The following CMTR1 variants were observed in gnomAD, a reference collection of about 807,000 sequenced individuals.
CMTR1 encodes cap methyltransferase 1, also known as cap-specific mRNA (nucleoside-2'-O-)-methyltransferase 1.
Under a neutral mutation model 107.0 loss-of-function variants are expected in CMTR1, and 39 were observed. That is an observed-to-expected ratio of 0.36 (90% confidence interval 0.28 to 0.48). The LOEUF (loss-of-function observed/expected upper bound fraction) is 0.48, where lower values mean the gene tolerates loss of function less well. CMTR1 is among the 20% of genes least tolerant of loss of function. The probability of loss-of-function intolerance (pLI) is 0.99; values close to 1 mark genes in which losing one functional copy is unlikely to be tolerated. For missense variants in CMTR1, 672 were observed against 1,064.9 expected, an observed-to-expected ratio of 0.63 and a Z score of 5.14; for synonymous variants, 366 against 379.5, an observed-to-expected ratio of 0.96 and a Z score of 0.41.
chr6:37,446,029 CT>C (rs1459779453), intron 3 of CMTR1, among the ~76,000 whole-genome samples: 1 of 152,188 alleles, frequency 6.6e-6, no homozygotes, highest in Admixed American at 6.5e-5. Flanking sequence ...ACTCTGGGTG[CT>C]TTTAATTAGG....
chr6:37,437,245 G>T (rs1309333174), intron 2 of CMTR1, among the ~76,000 whole-genome samples: 1 of 150,474 alleles, frequency 6.6e-6, no homozygotes, highest in African/African-American at 2.4e-5. Context: ...CTCATCAGCT[G>T]GCCAGGCGCG....
intron 13 of CMTR1, 59 bp from the exon 14 acceptor site, chr6:37,470,962 A>G: frequency 1.4e-6 from 2 of 1,447,418 alleles, no homozygotes; most frequent in Non-Finnish European, 1.9e-6. Context: ...CTCTGTCCTG[A>G]TGTCAGTTAC....
chr6:37,428,008 C>A, the CMTR1 span, among the ~76,000 whole-genome samples: 1 of 114,768 alleles, frequency 8.7e-6, no homozygotes, highest in African/African-American at 3.3e-5. Context: ...GCAACAGAGA[C>A]AGAGAGAGAG....
rs958846554 is a variant in CMTR1 at position 37,480,432 on chromosome 6, C to T, written c.*287C>T. 6 of 1,242,168 alleles carry T rather than the reference C, an allele frequency of 4.8e-6. No homozygotes were observed. The highest frequency in any genetic ancestry group is 1.6e-5 in the African/African-American group (1 of 62,784). The allele number at this position is 1,242,168 out of a possible 1,614,324, so 76.9% of individuals were successfully genotyped here. A position where few individuals can be genotyped will look rare whatever the true frequency, so the allele number is the denominator to read the frequency against. On this transcript the variant is annotated 3_prime_UTR_variant, in exon 24 of 24. Transcript: ENST00000373451. Reference sequence around the variant, plus strand: ...AGGTATGAGGTCAGTGCCTAGGGCACGTGGGACTGATGGAGGACATATCAG... The same window carrying T: ...AGGTATGAGGTCAGTGCCTAGGGCATGTGGGACTGATGGAGGACATATCAG...
At chr6:37,473,399 C>G in intron 16 of CMTR1, 71 bp from the exon 17 acceptor site, 1 of 1,547,450 alleles carries the variant, frequency 6.5e-7, no homozygotes, top group African/African-American at 1.4e-5. Flanking sequence ...GAGCCTGCCC[C>G]CAGCCCAGAT....
chr6:37,430,586 T>C (rs1771348953), upstream of CMTR1, among the ~76,000 whole-genome samples: 1 of 152,088 alleles, frequency 6.6e-6, no homozygotes, highest in Non-Finnish European at 1.5e-5. Flanking sequence ...GCTCCCTGGG[T>C]CCCATGTAAA....
At chr6:37,454,802 C>G (rs1470016739) in intron 8 of CMTR1, among the ~76,000 whole-genome samples, 1 of 152,158 alleles carries the variant, frequency 6.6e-6, no homozygotes, top group East Asian at 1.9e-4. Context: ...TGATTTCTCT[C>G]GAGCCCCTGG....
intron 12 of CMTR1, 140 bp downstream of exon 12, chr6:37,462,242 C>G (rs773693104): frequency 5.0e-6 from 5 of 1,010,060 alleles, no homozygotes; most frequent in Non-Finnish European, 7.4e-6. Flanking sequence ...CAACAGGATT[C>G]AGGATTCCTG....
intron 8 of CMTR1, 43 bp downstream of exon 8, chr6:37,453,355 G>A (rs1581737326): frequency 1.3e-5 from 20 of 1,569,294 alleles, no homozygotes; most frequent in Non-Finnish European, 1.8e-5. Flanking sequence ...TGCTAAGAGG[G>A]CTTAAGTTTC....
chr6:37,458,567 C>G lies in CMTR1; in HGVS notation c.778-45C>G. ...ATTCTCCTTCCTGTTGCCCATTGAG[C>G]TGTCTTGTTTTCCTTCCTCTCCTGT... On this transcript the variant is annotated intron_variant, in intron 8 of 23. Transcript: ENST00000373451. This position sits in a 1 kb window ranked among gnomAD's most constrained non-coding sequence, Gnocchi z 4.7. The G allele has an allele frequency of 6.3e-7, 1 of 1,588,246 alleles. No individual in the cohort carries two copies. The highest frequency in any genetic ancestry group is 2.2e-5 in the East Asian group (1 of 44,722).
chr6:37,433,065 C>G (rs947347865), upstream of CMTR1, among the ~76,000 whole-genome samples: 2 of 152,264 alleles, frequency 1.3e-5, no homozygotes, highest in Admixed American at 1.3e-4. Context: ...GCTTTTGCAG[C>G]CTTTTCCGGG....
chr6:37,464,515 T>G (rs1385264654), intron 13 of CMTR1, among the ~76,000 whole-genome samples: 1 of 152,084 alleles, frequency 6.6e-6, no homozygotes, highest in African/African-American at 2.4e-5. Flanking sequence ...AAGGAAATTT[T>G]CTTATGCCCC....
chr6:37,464,838 G>C (rs1761472679), intron 13 of CMTR1, among the ~76,000 whole-genome samples: 1 of 151,476 alleles, frequency 6.6e-6, no homozygotes, highest in Non-Finnish European at 1.5e-5. Flanking sequence ...GGAAATTCTG[G>C]ATCATAGAGG....
Position 37,462,835 on chromosome 6 carries a change from G to T in CMTR1, c.1332G>T (p.Val444=), listed in dbSNP as rs1222345420. The change falls in exon 13 of 24, where the codon GTG becomes GTT. Residue 444 remains valine, a synonymous_variant. Coordinates refer to ENST00000373451, the MANE Select transcript of CMTR1 (RefSeq NM_015050.3). ...ACAGAGTATCTTCTGCCAGGTATGT[G>T]GTGTGCAAGGGCCTGAAGGTGGGCA... ...TSRPANSERY[V]VCKGLKVGID... 1 of 1,612,512 alleles carries T rather than the reference G, an allele frequency of 6.2e-7. No individual in the cohort carries two copies. Among genetic ancestry groups the T allele is most frequent in the Admixed American group, 1.7e-5 (1 of 60,020 alleles).
chr6:37,470,650 T>C (rs1379067449), intron 13 of CMTR1, among the ~76,000 whole-genome samples: 1 of 152,192 alleles, frequency 6.6e-6, no homozygotes, highest in Non-Finnish European at 1.5e-5. Flanking sequence ...TAAAGAACAG[T>C]GAAGACTAAA....
Position 37,474,534 on chromosome 6 carries a change from T to C in CMTR1, c.1832T>C (p.Ile611Thr), listed in dbSNP as rs1761697050. ...KFLIGLGKSQ[I>T]YTWDGRQSDR... The stretch of plus-strand genomic sequence containing the variant: ...TCTCTCTGCCTGTAGAAATCCCAGA[T>C]CTACACATGGGATGGCCGCCAGTCA... The change falls in exon 18 of 24, where the codon ATC becomes ACC. Residue 611 changes from isoleucine to threonine, a missense_variant. Around this residue, in one of 2 missense-constraint regions of CMTR1, gnomAD observed 583 missense variants for 968.4 expected, o/e 0.60. Transcript: ENST00000373451. 1 of 1,613,862 alleles carries C rather than the reference T, an allele frequency of 6.2e-7. No individual in the cohort carries two copies. Among genetic ancestry groups the C allele is most frequent in the Non-Finnish European group, 8.5e-7 (1 of 1,179,930 alleles).
chr6:37,465,291 TA>T (rs1761486080), intron 13 of CMTR1, among the ~76,000 whole-genome samples: 1 of 151,850 alleles, frequency 6.6e-6, no homozygotes, highest in Admixed American at 6.6e-5. Context: ...ATATTATATA[TA>T]AAAACAATAG....
At chr6:37,476,350 A>G (rs1386657375) in intron 20 of CMTR1, among the ~76,000 whole-genome samples, 156 bp downstream of exon 20, 2 of 152,144 alleles carry the variant, frequency 1.3e-5, no homozygotes, top group African/African-American at 2.4e-5. Flanking sequence ...GGTGCTAGGT[A>G]GGTGACTTGC....
At chr6:37,437,653 G>A (rs2113862527) in intron 2 of CMTR1, among the ~76,000 whole-genome samples, 1 of 152,262 alleles carries the variant, frequency 6.6e-6, no homozygotes, top group South Asian at 2.1e-4. Flanking sequence ...TCCAGGGTAG[G>A]TAGGAATTGA....
Sources: allele counts gnomAD v4.1 joint callset (sites outside exome capture counted in the v4.1 genomes callset), GRCh38; gene constraint gnomAD v4.1.1; regional missense constraint gnomAD v4.1.1; non-coding constraint Gnocchi (gnomAD v3.1); transcripts MANE v1.5; gene names NCBI Gene and HGNC (gene_info 2026-07-23, HGNC 2026-07-21).